Variants in CHRDL1 observed in about 807,000 individuals in gnomAD.
The protein encoded by CHRDL1 is chordin-like protein 1.
CHRDL1 carries 19 observed loss-of-function variants against 40.9 expected under a neutral mutation model. That is an observed-to-expected ratio of 0.46 (90% CI 0.32 to 0.68). The LOEUF (loss-of-function observed/expected upper bound fraction) is 0.68. Ranked by LOEUF, CHRDL1 falls within the 30% of genes least tolerant of loss-of-function variation. The probability of loss-of-function intolerance (pLI) is 0.03; values close to 1 mark genes in which losing one functional copy is unlikely to be tolerated. For missense variants in CHRDL1, 329 were observed against 352.1 expected (o/e 0.93, Z 0.53); for synonymous variants, 136 against 123.4 (o/e 1.10, Z -0.68).
At chrX:110,690,109 T>C (rs12398667) in intron 8 of CHRDL1, among the ~76,000 whole-genome samples, 15,755 of 56,412 alleles carry the variant, frequency 0.28, 3,799 homozygotes, top group African/African-American at 0.68. Context: ...GCAGTGGCGC[T>C]ATCTCGGCTC....
intron 4 of CHRDL1, among the ~76,000 whole-genome samples, chrX:110,725,054 G>C (rs756906827): frequency 9.0e-6 from 1 of 111,685 alleles, no homozygotes; most frequent in South Asian, 3.8e-4. Context: ...AGGCTGCGTG[G>C]CTTCTAACCT....
intron 2 of CHRDL1, among the ~76,000 whole-genome samples, chrX:110,772,210 A>G (rs1266536791): frequency 8.9e-6 from 1 of 112,753 alleles, no homozygotes; most frequent in African/African-American, 3.2e-5. Context: ...TAGATTCCAT[A>G]CAATCTAAAT....
chrX:110,750,495 TC>T (rs2089337521), intron 4 of CHRDL1, among the ~76,000 whole-genome samples: 1 of 112,095 alleles, frequency 8.9e-6, no homozygotes, highest in African/African-American at 3.2e-5. Context: ...GCTAATCCTT[TC>T]CTTAAAATAC....
chrX:110,758,681 C>T (rs1235848502), intron 4 of CHRDL1, among the ~76,000 whole-genome samples: 1 of 111,786 alleles, frequency 8.9e-6, no homozygotes, highest in African/African-American at 3.3e-5. Flanking sequence ...AAAGCACCGT[C>T]TATACCTTAG....
Position 110,674,457 on chromosome X carries a change from CCACA to C in CHRDL1, c.*1770_*1773del, listed in dbSNP as rs72056903. On this transcript the variant is annotated 3_prime_UTR_variant, in exon 12 of 12. Coordinates refer to ENST00000372042, the MANE Select transcript of CHRDL1 (RefSeq NM_001143981.2). ...GCCGCATAACACCTTCCCCCCTTTA[CCACA>C]CACACACACACACACACACACACAC... 1,667 of 78,774 alleles carry C rather than the reference CCACA, an allele frequency of 0.021. 28 individuals carry two copies. Among genetic ancestry groups the C allele is most frequent in the East Asian group, 0.051 (125 of 2,464 alleles). The allele number at this position is 78,774 out of a possible 1,213,427, so 6.5% of individuals were successfully genotyped here.
chrX:110,778,239 T>A (rs2148527023), intron 2 of CHRDL1, among the ~76,000 whole-genome samples: 1 of 111,335 alleles, frequency 9.0e-6, no homozygotes, highest in African/African-American at 3.2e-5. Context: ...GCAACAAAAA[T>A]AAAAATTAGC....
chrX:110,734,697 C>T (rs779325828), intron 4 of CHRDL1, among the ~76,000 whole-genome samples: 3 of 112,047 alleles, frequency 2.7e-5, no homozygotes, highest in African/African-American at 6.5e-5. Flanking sequence ...CTAATAATTG[C>T]GGAAGATAAA....
At chrX:110,769,428 G>A (rs183785363) in intron 2 of CHRDL1, among the ~76,000 whole-genome samples, 120 of 112,227 alleles carry the variant, frequency 1.1e-3, no homozygotes, top group Middle Eastern at 9.2e-3. Flanking sequence ...ATTAGTATTG[G>A]AATATTTTAA....
rs1207111420 is a variant in CHRDL1, at chrX:110,674,534, G to T, written c.*1697C>A. The T allele has an allele frequency of 9.3e-6, 1 of 108,033 alleles. No homozygotes were observed. The highest frequency in any genetic ancestry group is 1.9e-5 in the Non-Finnish European group (1 of 52,455). The allele number at this position is 108,033 out of a possible 1,213,427, so 8.9% of individuals were successfully genotyped here. On this transcript the variant is annotated 3_prime_UTR_variant, in exon 12 of 12. Coordinates refer to ENST00000372042, the MANE Select transcript of CHRDL1 (RefSeq NM_001143981.2). ...TAATGCTTTGTGACCTCTCAACCGG[G>T]ATGTACTGCTTCTCTCTTCCAAGGA...
At chrX:110,696,641 C>T (rs1363704658) in intron 7 of CHRDL1, among the ~76,000 whole-genome samples, 1 of 111,674 alleles carries the variant, frequency 9.0e-6, no homozygotes, top group Admixed American at 9.5e-5. Context: ...TACAAAAGTT[C>T]ATTCAGCTAC....
At chrX:110,695,638 G>T (rs538559336) in intron 7 of CHRDL1, among the ~76,000 whole-genome samples, 1 of 112,304 alleles carries the variant, frequency 8.9e-6, no homozygotes, top group African/African-American at 3.3e-5. Flanking sequence ...GAAAAGGAAG[G>T]TCTTTATATT....
At chrX:110,788,051 T>G (rs2090043831) in intron 2 of CHRDL1, among the ~76,000 whole-genome samples, 1 of 112,539 alleles carries the variant, frequency 8.9e-6, no homozygotes, top group Non-Finnish European at 1.9e-5. Context: ...AAGAGTTTCC[T>G]GGCCTCATTG....
chrX:110,763,061 G>T (rs756036529), intron 2 of CHRDL1, among the ~76,000 whole-genome samples: 1 of 111,645 alleles, frequency 9.0e-6, no homozygotes, highest in East Asian at 2.8e-4. Context: ...CATATAACCA[G>T]TAAGAAGCTG....
intron 2 of CHRDL1, among the ~76,000 whole-genome samples, chrX:110,777,558 T>C (rs2089872384): frequency 9.0e-6 from 1 of 111,689 alleles, no homozygotes; most frequent in South Asian, 3.7e-4. Context: ...AATAGGTGTG[T>C]AGTGGTATCT....
At chrX:110,767,720 A>T (rs1185817419) in intron 2 of CHRDL1, among the ~76,000 whole-genome samples, 3 of 111,637 alleles carry the variant, frequency 2.7e-5, no homozygotes, top group African/African-American at 9.8e-5. Context: ...CTGCTGAGAG[A>T]CATCATAGAT....
intron 4 of CHRDL1, among the ~76,000 whole-genome samples, chrX:110,734,589 C>T (rs1265109971): frequency 8.9e-6 from 1 of 112,061 alleles, no homozygotes; most frequent in Non-Finnish European, 1.9e-5. Flanking sequence ...CAAGGGGACA[C>T]TGCTATTTAG....
intron 11 of CHRDL1, among the ~76,000 whole-genome samples, chrX:110,677,509 A>G (rs1326147582): frequency 9.9e-5 from 11 of 111,590 alleles, no homozygotes; most frequent in Non-Finnish European, 3.8e-5. Context: ...ATGGGCACAG[A>G]GTATATCTAA....
At chrX:110,738,491 C>T (rs1263709011) in intron 4 of CHRDL1, among the ~76,000 whole-genome samples, 2 of 110,788 alleles carry the variant, frequency 1.8e-5, no homozygotes, top group Non-Finnish European at 1.9e-5. Context: ...ACCTGTAATC[C>T]CAGCACTTTG....
intron 4 of CHRDL1, among the ~76,000 whole-genome samples, chrX:110,742,979 T>C (rs1209906898): frequency 8.9e-6 from 1 of 112,001 alleles, no homozygotes; most frequent in African/African-American, 3.2e-5. Context: ...ATCCAGCGAA[T>C]GGGATAAAGC....
Sources: gnomAD v4.1 joint callset for allele counts (sites outside exome capture counted in the v4.1 genomes callset) on GRCh38, gnomAD v4.1.1 for gene constraint, MANE v1.5 for transcripts, NCBI Gene and HGNC (gene_info 2026-07-23, HGNC 2026-07-21) for gene names.